PTTG1: variants seen among roughly 807,000 people sequenced by gnomAD.
PTTG1 encodes the protein PTTG1 regulator of sister chromatid separation, securin.
PTTG1 carries 8 observed loss-of-function variants against 20.0 expected under a neutral mutation model. The ratio of observed to expected loss-of-function variants is 0.40; its 90% confidence interval spans 0.23 to 0.72. The LOEUF (loss-of-function observed/expected upper bound fraction) is 0.72, where lower values mean the gene tolerates loss of function less well. Among genes scored for constraint, PTTG1 ranks in the 30% least tolerant of loss-of-function variants. PTTG1 has a pLI of 0.38. For synonymous variants in PTTG1, 79 were observed against 87.2 expected, an observed-to-expected ratio of 0.91 and a Z score of 0.52; for missense variants, 197 against 236.0, an observed-to-expected ratio of 0.83 and a Z score of 1.08.
chr5:160,424,844 G>A (rs2113210776), intron 4 of PTTG1: 1 of 153,108 alleles, frequency 6.5e-6, no homozygotes, highest in Admixed American at 6.5e-5. Context: ...AGAAGCTACT[G>A]TGTGTCAGGC....
At chr5:160,428,538 A>T in intron 5 of PTTG1, 64 bp from the exon 6 acceptor site, 4 of 1,379,856 alleles carry the variant, frequency 2.9e-6, no homozygotes, top group Non-Finnish European at 4.1e-6. Context: ...GCTAATGTCT[A>T]TGTTGATATG....
In PTTG1 at chr5:160,427,699, T is replaced by G; in HGVS notation, c.371-16T>G. On this transcript the variant is annotated splice_polypyrimidine_tract_variant and intron_variant, in intron 4 of 5. Transcript: ENST00000352433. Reference sequence around the variant, plus strand: ...AGAACTGCTGCCCTGACAAAAACGCTTTCTCTCTGTAACAGACTTTGAGAG... The same window carrying G: ...AGAACTGCTGCCCTGACAAAAACGCGTTCTCTCTGTAACAGACTTTGAGAG... 6.2e-7 allele frequency: 1 copy of G among 1,612,126 alleles called. No individual in the cohort carries two copies. Among genetic ancestry groups the G allele is most frequent in the Non-Finnish European group, 8.5e-7 (1 of 1,178,756 alleles).
At chr5:160,424,432 T>C (rs1445356352) in intron 4 of PTTG1, 102 bp downstream of exon 4, 5 of 800,646 alleles carry the variant, frequency 6.2e-6, no homozygotes, top group African/African-American at 1.8e-5. Context: ...CCAAAAACTA[T>C]GATGAGACTG....
chr5:160,427,305 T>C (rs1243576212), intron 4 of PTTG1, among the ~76,000 whole-genome samples: 2 of 152,188 alleles, frequency 1.3e-5, no homozygotes, highest in African/African-American at 2.4e-5. Flanking sequence ...CGTATTTTGG[T>C]GTACAGTGGA....
intron 4 of PTTG1, among the ~76,000 whole-genome samples, chr5:160,426,086 C>A (rs948248521): frequency 2.0e-5 from 3 of 151,852 alleles, no homozygotes; most frequent in East Asian, 3.8e-4. Flanking sequence ...TTTTAAAGAC[C>A]CTTTTACACT....
At chr5:160,422,033 G>T in intron 1 of PTTG1, 142 bp downstream of exon 1, 1 of 286,758 alleles carries the variant, frequency 3.5e-6, no homozygotes. Flanking sequence ...GCCCGTTTGA[G>T]CGTGGTCTCG....
chr5:160,422,976 C>A, intron 3 of PTTG1, 83 bp downstream of exon 3: 1 of 1,430,752 alleles, frequency 7.0e-7, no homozygotes, highest in Non-Finnish European at 9.7e-7. Flanking sequence ...TCCTACGTAG[C>A]TTTCTTCCCT....
rs539690456 is a variant in PTTG1 at position 160,421,892 on chromosome 5, G to C, written c.-12+1G>C. 1 of 175,272 alleles carries C rather than the reference G, an allele frequency of 5.7e-6. No homozygotes were observed. Among genetic ancestry groups the C allele is most frequent in the African/African-American group, 2.4e-5 (1 of 42,146 alleles). The allele number at this position is 175,272 out of a possible 1,614,324, so 10.9% of individuals were successfully genotyped here. A position where few individuals can be genotyped will look rare whatever the true frequency, so the allele number is the denominator to read the frequency against. ...GATGAATGCGGCTGTTAAGACCTGC[G>C]TGAGTGAATGGGAGGGTCGCGGGTG... On this transcript the variant is annotated splice_donor_variant, in intron 1 of 5. Coordinates refer to ENST00000352433, the MANE Select transcript of PTTG1 (RefSeq NM_004219.4). LOFTEE classifies it low-confidence loss of function (5UTR_SPLICE).
chr5:160,423,097 A>G (rs1018766701), intron 3 of PTTG1: 3 of 603,588 alleles, frequency 5.0e-6, no homozygotes, highest in Non-Finnish European at 5.7e-6. Context: ...CAGCTAATGC[A>G]TATTTTTGCC....
rs1765773509 is a variant in PTTG1, at chr5:160,424,453, G to A, written c.370+123G>A. On this transcript the variant is annotated intron_variant, in intron 4 of 5. Transcript: ENST00000352433. Reference sequence around the variant, plus strand: ...ACTATGATGAGACTGTCTGAATCTGGGTTGCTTTGGACAAGTGTACTTGTT... The same window carrying A: ...ACTATGATGAGACTGTCTGAATCTGAGTTGCTTTGGACAAGTGTACTTGTT... The A allele has an allele frequency of 5.6e-6, 4 of 714,766 alleles. No individual in the cohort carries two copies. In the East Asian group the frequency reaches 1.1e-4, roughly 20 times the overall value. The allele number at this position is 714,766 out of a possible 1,614,324, so 44.3% of individuals were successfully genotyped here.
chr5:160,425,241 G>A (rs955903644), intron 4 of PTTG1, among the ~76,000 whole-genome samples: 11 of 152,302 alleles, frequency 7.2e-5, no homozygotes, highest in African/African-American at 2.6e-4. Context: ...TGATCTTGTT[G>A]TAAGTTTGTG....
intron 4 of PTTG1, among the ~76,000 whole-genome samples, chr5:160,426,708 T>C (rs1765815042): frequency 6.6e-6 from 1 of 152,212 alleles, no homozygotes; most frequent in African/African-American, 2.4e-5. Flanking sequence ...CAGAAAAGTC[T>C]AAGCACCTGT....
intron 4 of PTTG1, among the ~76,000 whole-genome samples, chr5:160,426,269 A>G (rs1429092227): frequency 6.6e-6 from 1 of 152,190 alleles, no homozygotes; most frequent in Non-Finnish European, 1.5e-5. Flanking sequence ...GAAGAATGGC[A>G]TGGTTTATAT....
At chr5:160,422,629 G>A in intron 2 of PTTG1, 80 bp from the exon 3 acceptor site, 1 of 1,540,948 alleles carries the variant, frequency 6.5e-7, no homozygotes, top group Non-Finnish European at 9.0e-7. Flanking sequence ...GGGGTGAGAG[G>A]TCAAGTTTAT....
chr5:160,425,261 G>A (rs994848854), intron 4 of PTTG1, among the ~76,000 whole-genome samples: 2 of 152,208 alleles, frequency 1.3e-5, no homozygotes, highest in Admixed American at 6.5e-5. Flanking sequence ...GAGTACATCT[G>A]GAGGGAAACT....
chr5:160,422,751 G>C lies in PTTG1; in HGVS notation c.134G>C (p.Arg45Pro), dbSNP rs769225728. 6.2e-7 allele frequency: 1 copy of C among 1,614,058 alleles called. No individual in the cohort carries two copies. Among genetic ancestry groups the C allele is most frequent in the South Asian group, 1.1e-5 (1 of 91,086 alleles). The change falls in exon 3 of 6, where the codon CGT (arginine) becomes CCT (proline). Residue 45 changes from arginine to proline, a missense_variant. By Grantham distance (103) the Arg-to-Pro change is moderately radical. Coordinates refer to ENST00000352433, the MANE Select transcript of PTTG1 (RefSeq NM_004219.4). ...GGGAGATCTCAAGTTTCAACACCACGTTTTGGCAAAACGTTCGATGCCCCA... is the reference window on the plus strand; with the variant it reads ...GGGAGATCTCAAGTTTCAACACCACCTTTTGGCAAAACGTTCGATGCCCCA... ...LDGRSQVSTP[R>P]FGKTFDAPPA... is the part of the protein sequence containing the mutation.
intron 4 of PTTG1, 62 bp from the exon 5 acceptor site, chr5:160,427,653 A>G (rs1765832967): frequency 1.3e-6 from 2 of 1,552,934 alleles, no homozygotes; most frequent in East Asian, 2.3e-5. Flanking sequence ...TCAGACCACA[A>G]GGGATCTACA....
intron 4 of PTTG1, among the ~76,000 whole-genome samples, chr5:160,426,541 T>C (rs762104167): frequency 5.3e-5 from 8 of 152,240 alleles, no homozygotes; most frequent in South Asian, 2.1e-4. Flanking sequence ...GTAAAATCCA[T>C]TGGTCTATTT....
intron 4 of PTTG1, among the ~76,000 whole-genome samples, chr5:160,427,271 T>G (rs2961951): frequency 0.72 from 110,156 of 152,016 alleles, 40,180 homozygotes; most frequent in South Asian, 0.82. Flanking sequence ...TTGCAACTCA[T>G]ATAGTTGCAC....
Sources: gnomAD v4.1 joint callset for allele counts (sites outside exome capture counted in the v4.1 genomes callset) on GRCh38, gnomAD v4.1.1 for gene constraint, MANE v1.5 for transcripts, NCBI Gene and HGNC (gene_info 2026-07-23, HGNC 2026-07-21) for gene names.